The following ARHGAP28 variants were observed in gnomAD, a reference collection of about 807,000 sequenced individuals.
ARHGAP28 encodes Rho GTPase activating protein 28, also known as rho GTPase-activating protein 28.
A neutral mutation model predicts 90.7 loss-of-function variants in ARHGAP28; 56 were observed. The ratio of observed to expected loss-of-function variants is 0.62; its 90% CI spans 0.50 to 0.77. The LOEUF is 0.77. ARHGAP28 is among the 30% of genes least tolerant of loss of function. The pLI is 0.00. For synonymous variants in ARHGAP28, 308 were observed against 323.3 expected (o/e 0.95, Z 0.51); for missense variants, 869 against 900.9 (o/e 0.96, Z 0.45).
At chr18:6,911,357 C>G (rs2057398104) in intron 17 of ARHGAP28, among the ~76,000 whole-genome samples, 1 of 152,272 alleles carries the variant, frequency 6.6e-6, no homozygotes, top group South Asian at 2.1e-4. Flanking sequence ...TCTATAAAAC[C>G]ACTGGAGGAC....
chr18:6,730,219 G>GTATATATACATATATATATATATA lies in ARHGAP28; in HGVS notation c.122+277_122+278insATATATACATATATATATATATAT, dbSNP rs374482561. ...TTGATACGATTTGAGGATAAGTCATGTGTATATATATATATATACCTCATT... is the reference window on the plus strand; with the variant it reads ...TTGATACGATTTGAGGATAAGTCATGTATATATACATATATATATATATATGTATATATATATATATACCTCATT... On this transcript the variant is annotated intron_variant, in intron 1 of 17. Coordinates refer to ENST00000383472, the MANE Select transcript of ARHGAP28 (RefSeq NM_001366230.1). 4.0e-4 allele frequency: 63 copies of GTATATATACATATATATATATATA among 158,804 alleles called. No individual in the cohort carries two copies. In the Admixed American group the frequency reaches 4.6e-3, roughly 12 times the overall value. 9.8% of individuals were successfully genotyped at this position (158,804 alleles called of 1,614,324 possible). A position where few individuals can be genotyped will look rare whatever the true frequency, so the allele number is the denominator to read the frequency against.
intron 1 of ARHGAP28, among the ~76,000 whole-genome samples, chr18:6,815,940 A>G (rs1224616860): frequency 1.3e-5 from 2 of 151,616 alleles, no homozygotes; most frequent in Admixed American, 1.3e-4. Flanking sequence ...CCAACCCTCC[A>G]TATTCCCTGC....
intron 1 of ARHGAP28, among the ~76,000 whole-genome samples, chr18:6,742,176 T>C (rs2055984431): frequency 6.6e-6 from 1 of 151,514 alleles, no homozygotes; most frequent in African/African-American, 2.4e-5. Context: ...TTTCTTTTTT[T>C]TTTTTTTGAC....
At chr18:6,836,150 A>G (rs570693942) in intron 2 of ARHGAP28, 1 of 152,318 alleles carries the variant, frequency 6.6e-6, no homozygotes, top group South Asian at 2.1e-4. Flanking sequence ...GACTGGAAAT[A>G]AGCTAGGTTC....
chr18:6,841,214 TCTCTCTCTCC>T (rs2056823479), intron 3 of ARHGAP28, among the ~76,000 whole-genome samples: 1 of 112,956 alleles, frequency 8.9e-6, no homozygotes. Flanking sequence ...CTCTCCTCTC[TCTCTCTCTCC>T]CCCCAACCCG....
chr18:6,736,303 CT>C (rs945797622), intron 1 of ARHGAP28, among the ~76,000 whole-genome samples: 50 of 143,398 alleles, frequency 3.5e-4, no homozygotes, highest in East Asian at 1.0e-3. Flanking sequence ...TTAATCTACT[CT>C]TTTTTTTTTT....
At chr18:6,864,037 C>T (rs1156291926) in intron 5 of ARHGAP28, among the ~76,000 whole-genome samples, 6 of 151,808 alleles carry the variant, frequency 4.0e-5, no homozygotes, top group East Asian at 1.9e-4. Flanking sequence ...TGAGCCACCA[C>T]GCCTGGCTTG....
chr18:6,786,409 T>G (rs1472812059), intron 1 of ARHGAP28, among the ~76,000 whole-genome samples: 5 of 152,102 alleles, frequency 3.3e-5, no homozygotes, highest in Admixed American at 3.3e-4. Flanking sequence ...TAAGCTGGTG[T>G]CAATGAGGAT....
chr18:6,778,701 T>A (rs1277070949), intron 1 of ARHGAP28, among the ~76,000 whole-genome samples: 1 of 152,124 alleles, frequency 6.6e-6, no homozygotes, highest in Non-Finnish European at 1.5e-5. Context: ...CACTAGGGAG[T>A]GCTACGTGTG....
chr18:6,841,216 T>TC (rs2056823580), intron 3 of ARHGAP28, among the ~76,000 whole-genome samples: 1 of 114,270 alleles, frequency 8.8e-6, no homozygotes, highest in African/African-American at 3.5e-5. Flanking sequence ...CTCCTCTCTC[T>TC]CTCTCTCCCC....
chr18:6,733,843 A>AG (rs1304660254), intron 1 of ARHGAP28, among the ~76,000 whole-genome samples: 1 of 152,230 alleles, frequency 6.6e-6, no homozygotes, highest in Non-Finnish European at 1.5e-5. Flanking sequence ...CAACAAAAAA[A>AG]CATTCTCAGC....
intron 12 of ARHGAP28, 35 bp downstream of exon 12, chr18:6,887,274 CT>C: frequency 1.9e-6 from 3 of 1,584,112 alleles, no homozygotes; most frequent in Non-Finnish European, 2.6e-6. Flanking sequence ...TGTCCTGGGG[CT>C]CTTATTGCTC....
At chr18:6,814,250 G>A (rs2056575731) in intron 1 of ARHGAP28, among the ~76,000 whole-genome samples, 1 of 152,138 alleles carries the variant, frequency 6.6e-6, no homozygotes, top group Non-Finnish European at 1.5e-5. Context: ...GGCCCATGAG[G>A]AGGAAAGCCA....
chr18:6,850,881 G>T (rs750820220), intron 3 of ARHGAP28, 153 bp from the exon 4 acceptor site: 2 of 1,524,450 alleles, frequency 1.3e-6, no homozygotes, highest in South Asian at 2.4e-5. Context: ...GAATTGGTAA[G>T]TGCTGTTATC....
chr18:6,847,629 G>GT (rs199816287), intron 3 of ARHGAP28, among the ~76,000 whole-genome samples: 21,621 of 108,402 alleles, frequency 0.2, 2,021 homozygotes, highest in East Asian at 0.44. Flanking sequence ...GAGAGAGTGG[G>GT]GGTGTGTGTG....
Position 6,850,725 on chromosome 18 carries a change from A to C in ARHGAP28, c.544-309A>C, listed in dbSNP as rs1161336475. 5 of 1,228,510 alleles carry C rather than the reference A, an allele frequency of 4.1e-6. No homozygotes were observed. The East Asian group carries it at 1.0e-4, about 25-fold the overall frequency. The allele number at this position is 1,228,510 out of a possible 1,614,324, so 76.1% of individuals were successfully genotyped here. On this transcript the variant is annotated intron_variant, in intron 3 of 17. Coordinates refer to ENST00000383472, the MANE Select transcript of ARHGAP28 (RefSeq NM_001366230.1). The stretch of plus-strand genomic sequence containing the variant: ...GATCACACTCAGTCTTTTTAGTTAG[A>C]ACATACCATCTTGGAGCAAAATCAT...
chr18:6,729,879 G>T lies in ARHGAP28; in HGVS notation c.58G>T (p.Ala20Ser). ...GACCGCCTACCACTCGTACGCGCGC[G>T]CCCAGCCCCCCAACGCCGAGTCGCG... ...VLTAYHSYAR[A>S]QPPNAESRCA... Residue 20 changes from alanine to serine, a missense_variant, in exon 1 of 18, where the codon GCC becomes TCC. By Grantham distance (99) the Ala-to-Ser change is moderately conservative. Transcript: ENST00000383472. The T allele has an allele frequency of 7.0e-7, 1 of 1,433,634 alleles. No homozygotes were observed. The highest frequency in any genetic ancestry group is 9.1e-7 in the Non-Finnish European group (1 of 1,096,262). The allele number at this position is 1,433,634 out of a possible 1,614,324, so 88.8% of individuals were successfully genotyped here.
intron 1 of ARHGAP28, among the ~76,000 whole-genome samples, chr18:6,753,417 G>A (rs1364584108): frequency 6.6e-6 from 1 of 152,174 alleles, no homozygotes; most frequent in African/African-American, 2.4e-5. Flanking sequence ...ATCAAATTGA[G>A]ATCAACTGTA....
At chr18:6,823,149 A>G (rs2056637316) in intron 1 of ARHGAP28, among the ~76,000 whole-genome samples, 1 of 152,258 alleles carries the variant, frequency 6.6e-6, no homozygotes, top group Non-Finnish European at 1.5e-5. Context: ...ACAAGAAGGC[A>G]AGCTTGGAGA....
Sources: allele counts gnomAD v4.1 joint callset (sites outside exome capture counted in the v4.1 genomes callset), GRCh38; gene constraint gnomAD v4.1.1; transcripts MANE v1.5; gene names NCBI Gene and HGNC (gene_info 2026-07-23, HGNC 2026-07-21).